CKAP5: variants seen among roughly 807,000 people sequenced by gnomAD.
The protein encoded by CKAP5 is cytoskeleton associated protein 5.
Under a neutral mutation model 232.8 loss-of-function variants are expected in CKAP5, and 27 were observed. That is an observed-to-expected ratio of 0.12 (90% CI 0.09 to 0.16). CKAP5 has a LOEUF of 0.16. Ranked by LOEUF, CKAP5 falls within the 10% of genes least tolerant of loss-of-function variation. CKAP5 has a pLI of 1.00. For missense variants in CKAP5, 1,838 were observed against 2,424.7 expected (o/e 0.76, Z 5.08); for synonymous variants, 785 against 841.1 (o/e 0.93, Z 1.16).
intron 18 of CKAP5, 48 bp downstream of exon 18, chr11:46,783,226 A>G: frequency 9.3e-7 from 1 of 1,072,498 alleles, no homozygotes; most frequent in Non-Finnish European, 1.4e-6. Flanking sequence ...CGACTTAGAG[A>G]CTGACAGAAC....
rs1006975732 is a variant in CKAP5, at chr11:46,750,394, C to A, written c.5584G>T (p.Asp1862Tyr). 2 of 1,613,984 alleles carry A rather than the reference C, an allele frequency of 1.2e-6. No individual in the cohort carries two copies. Among genetic ancestry groups the A allele is most frequent in the African/African-American group, 2.7e-5 (2 of 74,910 alleles). The change falls in exon 42 of 44, where the codon GAT becomes TAT. Residue 1862 changes from aspartate (D) to tyrosine (Y), a missense_variant. Asp to Tyr is a radical substitution (Grantham distance 160). Around this residue, in one of 6 missense-constraint regions of CKAP5, gnomAD observed 579 missense variants for 843.2 expected, o/e 0.69. Transcript: ENST00000529230. ...ELYEYKKKYSDADIEPFLKNS... is the reference protein window; with the variant it reads ...ELYEYKKKYSYADIEPFLKNS... Reference sequence around the variant, plus strand: ...TTCAGAAATGGTTCAATGTCAGCATCTGAGTATTTCTTCTTATATTCATAT... The same window carrying A: ...TTCAGAAATGGTTCAATGTCAGCATATGAGTATTTCTTCTTATATTCATAT...
At chr11:46,773,904 C>A (rs1222267181) in intron 24 of CKAP5, among the ~76,000 whole-genome samples, 2 of 152,240 alleles carry the variant, frequency 1.3e-5, no homozygotes, top group South Asian at 2.1e-4. Context: ...GACAAACCCA[C>A]AGCCAATATC....
At position 46,765,118 on chromosome 11, in the gene CKAP5, A is replaced by C; in HGVS notation, c.3537+13T>G. ...AAGCAAAAATCTCCTGACGATTCTT[A>C]ATCCTTCCTTACCTTCAATCCTTTT... On this transcript the variant is annotated intron_variant, in intron 28 of 43. Transcript: ENST00000529230. The C allele has an allele frequency of 6.2e-7, 1 of 1,606,122 alleles. No homozygotes were observed. The highest frequency in any genetic ancestry group is 8.5e-7 in the Non-Finnish European group (1 of 1,176,812).
intron 17 of CKAP5, among the ~76,000 whole-genome samples, chr11:46,783,800 G>C (rs762984703): frequency 1.3e-5 from 2 of 151,880 alleles, no homozygotes; most frequent in Non-Finnish European, 2.9e-5. Context: ...CTGTCTCCCA[G>C]GTTCAAGTGA....
Position 46,810,943 on chromosome 11 carries a change from G to T in CKAP5, c.630+64C>A, listed in dbSNP as rs529691110. Reference sequence around the variant, plus strand: ...TTTTTAAGGACAGAATATCAACAACGATAGGAAGAAAATATTTTCATATTA... The same window carrying T: ...TTTTTAAGGACAGAATATCAACAACTATAGGAAGAAAATATTTTCATATTA... On this transcript the variant is annotated intron_variant, in intron 5 of 43. Coordinates refer to ENST00000529230, the MANE Select transcript of CKAP5 (RefSeq NM_001008938.4). The T allele has an allele frequency of 1.9e-5, 26 of 1,362,478 alleles. No homozygotes were observed. The South Asian group carries it at 2.4e-4, about 12-fold the overall frequency. The allele number at this position is 1,362,478 out of a possible 1,614,324, so 84.4% of individuals were successfully genotyped here. A position where few individuals can be genotyped will look rare whatever the true frequency, so the allele number is the denominator to read the frequency against.
At chr11:46,797,025 T>TA (rs1411838104) in intron 11 of CKAP5, 85 bp from the exon 12 acceptor site, 1 of 1,476,490 alleles carries the variant, frequency 6.8e-7, no homozygotes, top group Non-Finnish European at 9.3e-7. Flanking sequence ...GGTTGCTAGA[T>TA]AAAGAATTTG....
intron 33 of CKAP5, 48 bp downstream of exon 33, chr11:46,760,564 G>T: frequency 6.3e-7 from 1 of 1,584,096 alleles, no homozygotes; most frequent in South Asian, 1.1e-5. Flanking sequence ...GAGCACACAA[G>T]GCAAAGGCCA....
chr11:46,840,693 C>T (rs1940032512), intron 1 of CKAP5, among the ~76,000 whole-genome samples: 1 of 152,160 alleles, frequency 6.6e-6, no homozygotes, highest in Non-Finnish European at 1.5e-5. Context: ...ATGCCTCTTC[C>T]CCTATACCTC....
chr11:46,823,570 C>T (rs1368510744), intron 1 of CKAP5, among the ~76,000 whole-genome samples: 1 of 152,152 alleles, frequency 6.6e-6, no homozygotes, highest in African/African-American at 2.4e-5. Context: ...TACCATTGGA[C>T]ATTTAAATTG....
In CKAP5 at chr11:46,809,478, C is replaced by G; in HGVS notation, c.786G>C (p.Val262=). 2 of 1,612,742 alleles carry G rather than the reference C, an allele frequency of 1.2e-6. No homozygotes were observed. Among genetic ancestry groups the G allele is most frequent in the Non-Finnish European group, 1.7e-6 (2 of 1,179,120 alleles). ...AAAGCTCATAAGCATCTATTTGTGG[C>G]ACCTCATCACCATCATCACCACCTT... is the stretch of plus-strand genomic sequence containing the variant. ...AEGGGDDGDE[V]PQIDAYELLE... Residue 262 remains valine, a synonymous_variant, in exon 7 of 44, where the codon GTG becomes GTC. Coordinates refer to ENST00000529230, the MANE Select transcript of CKAP5 (RefSeq NM_001008938.4).
chr11:46,837,835 A>C (rs1357645547), intron 1 of CKAP5, among the ~76,000 whole-genome samples: 2 of 152,228 alleles, frequency 1.3e-5, no homozygotes, highest in East Asian at 3.8e-4. Context: ...GACTAAACTA[A>C]TAAATGGGAA....
chr11:46,779,521 G>C (rs1374150605), intron 20 of CKAP5, among the ~76,000 whole-genome samples: 3 of 152,156 alleles, frequency 2.0e-5, no homozygotes, highest in East Asian at 3.8e-4. Flanking sequence ...CAGAAAGACA[G>C]AGTCTCAGTA....
chr11:46,786,198 T>C (rs1430409775), intron 16 of CKAP5, among the ~76,000 whole-genome samples: 2 of 152,124 alleles, frequency 1.3e-5, no homozygotes, highest in Non-Finnish European at 2.9e-5. Context: ...ACAAGAACCA[T>C]TTAAAGAAAG....
intron 9 of CKAP5, 61 bp from the exon 10 acceptor site, chr11:46,798,233 T>C: frequency 1.7e-6 from 2 of 1,169,296 alleles, no homozygotes; most frequent in Non-Finnish European, 2.6e-6. Context: ...TATTGATATA[T>C]CCTAGAACAT....
intron 1 of CKAP5, among the ~76,000 whole-genome samples, chr11:46,824,209 G>T (rs1025346736): frequency 7.2e-5 from 11 of 152,158 alleles, no homozygotes; most frequent in South Asian, 6.2e-4. Flanking sequence ...AGATGGAATT[G>T]TAAAAGTTTA....
At chr11:46,762,935 G>A (rs746603377) in intron 30 of CKAP5, 41 bp downstream of exon 30, 2 of 1,557,280 alleles carry the variant, frequency 1.3e-6, no homozygotes, top group East Asian at 2.2e-5. Flanking sequence ...GAGGTCAGCT[G>A]GGAACTTAAG....
chr11:46,795,091 G>A (rs1205434682), intron 13 of CKAP5, among the ~76,000 whole-genome samples: 4 of 152,170 alleles, frequency 2.6e-5, no homozygotes, highest in South Asian at 2.1e-4. Flanking sequence ...CACTTTGGGA[G>A]GTCAAGGCGG....
chr11:46,793,622 T>C (rs1385839405), intron 13 of CKAP5, among the ~76,000 whole-genome samples: 1 of 152,246 alleles, frequency 6.6e-6, no homozygotes, highest in Admixed American at 6.5e-5. Flanking sequence ...TTTCTGATCC[T>C]TTAAAATATA....
At chr11:46,776,840 T>A (rs75747551) in intron 23 of CKAP5, among the ~76,000 whole-genome samples, 11 of 151,804 alleles carry the variant, frequency 7.2e-5, no homozygotes, top group Admixed American at 4.6e-4. Context: ...GCACAAATTA[T>A]ATTAAATAAA....
Sources: gnomAD v4.1 joint callset for allele counts (sites outside exome capture counted in the v4.1 genomes callset) on GRCh38, gnomAD v4.1.1 for gene constraint, gnomAD v4.1.1 regional missense constraint, MANE v1.5 for transcripts, NCBI Gene and HGNC (gene_info 2026-07-23, HGNC 2026-07-21) for gene names.